Variants in PSMG2 observed in about 807,000 individuals in gnomAD.
PSMG2 encodes the protein proteasome assembly chaperone 2.
Under a neutral mutation model 31.5 loss-of-function variants are expected in PSMG2, and 21 were observed. That is an observed-to-expected ratio of 0.67 (90% CI 0.47 to 0.96). The LOEUF is 0.96. Ranked by LOEUF, PSMG2 falls within the 40% of genes least tolerant of loss-of-function variation. The pLI is 0.00. For missense variants in PSMG2, 318 were observed against 321.2 expected (o/e 0.99, Z 0.08); for synonymous variants, 120 against 110.4 (o/e 1.09, Z -0.54).
chr18:12,677,338 T>G (rs1044940680), intron 1 of PSMG2, among the ~76,000 whole-genome samples: 1 of 151,680 alleles, frequency 6.6e-6, no homozygotes, highest in East Asian at 1.9e-4. Flanking sequence ...TTCAGGAGGC[T>G]GAGGCAGGAG....
At chr18:12,663,900 T>TA (rs1188782988) in intron 1 of PSMG2, among the ~76,000 whole-genome samples, 1 of 152,148 alleles carries the variant, frequency 6.6e-6, no homozygotes, top group Non-Finnish European at 1.5e-5. Flanking sequence ...CACAGTGGTT[T>TA]ATGCCTGTAA....
At position 12,677,986 on chromosome 18, in the gene PSMG2, TAGG is replaced by T. The variant is rs999278452; in HGVS notation, c.-37+19214_-37+19216del. The T allele has an allele frequency of 5.9e-6, 4 of 681,032 alleles. No individual in the cohort carries two copies. The Admixed American group carries it at 1.2e-4, about 20-fold the overall frequency. The allele number at this position is 681,032 out of a possible 1,614,324, so 42.2% of individuals were successfully genotyped here. A position where few individuals can be genotyped will look rare whatever the true frequency, so the allele number is the denominator to read the frequency against. On this transcript the variant is annotated intron_variant, in intron 1 of 6. Coordinates refer to the PSMG2 transcript ENST00000585331. The stretch of plus-strand genomic sequence containing the variant: ...TTCAAAATTATAAGCTTCATAATAG[TAGG>T]GACTGTAGTTGTTTTGTTCAGGGCT...
intron 1 of PSMG2, among the ~76,000 whole-genome samples, chr18:12,678,657 A>G (rs1442719169): frequency 6.6e-6 from 1 of 152,160 alleles, no homozygotes; most frequent in Admixed American, 6.6e-5. Flanking sequence ...TAACAACAGA[A>G]TACATTCTAT....
intron 1 of PSMG2, among the ~76,000 whole-genome samples, chr18:12,688,059 T>C (rs549026215): frequency 4.0e-5 from 6 of 151,458 alleles, no homozygotes; most frequent in South Asian, 2.1e-4. Context: ...CTGGCTAACA[T>C]GGTGAAACCC....
At chr18:12,664,392 A>G (rs1294534620) in intron 1 of PSMG2, among the ~76,000 whole-genome samples, 2 of 151,800 alleles carry the variant, frequency 1.3e-5, no homozygotes, top group Non-Finnish European at 2.9e-5. Flanking sequence ...CAAAATTAAA[A>G]TACAAAAATT....
In PSMG2 at chr18:12,712,717, C is replaced by T. The variant is rs139611150; in HGVS notation, c.245C>T (p.Ser82Leu). 385 of 1,606,158 alleles carry T rather than the reference C, an allele frequency of 2.4e-4. 1 individual carries two copies. The highest frequency in any genetic ancestry group is 2.7e-4 in the Non-Finnish European group (317 of 1,174,378). The change falls in exon 3 of 7, where the codon TCA becomes TTA. Residue 82 changes from serine (S) to leucine (L), a missense_variant. Transcript: ENST00000317615. ...SINAEVYSLPSRKLVALQLRS... is the reference protein window; with the variant it reads ...SINAEVYSLPLRKLVALQLRS... Reference sequence around the variant, plus strand: ...GTTTTTATAGTGTATTCATTGCCTTCAAGAAAGCTGGTGGCTCTACAGTTA... The same window carrying T: ...GTTTTTATAGTGTATTCATTGCCTTTAAGAAAGCTGGTGGCTCTACAGTTA...
intron 1 of PSMG2, chr18:12,679,298 C>G (rs1352954580): frequency 6.6e-6 from 1 of 152,096 alleles, no homozygotes. Flanking sequence ...GGAGTGCACA[C>G]TGGGGAGAAG....
chr18:12,702,565 T>A, upstream of PSMG2: 1 of 1,546,728 alleles, frequency 6.5e-7, no homozygotes, highest in Non-Finnish European at 8.7e-7. Context: ...AGCCGGCGTC[T>A]CCCCGCCGCT....
upstream of PSMG2, chr18:12,700,009 A>G (rs922413421): frequency 1.4e-4 from 81 of 593,502 alleles, no homozygotes; most frequent in Non-Finnish European, 2.1e-4. Context: ...TCAACAGGGT[A>G]AGGCCCTTTC....
At chr18:12,703,640 G>A (rs1490530099) in intron 1 of PSMG2, among the ~76,000 whole-genome samples, 2 of 152,182 alleles carry the variant, frequency 1.3e-5, no homozygotes, top group Non-Finnish European at 2.9e-5. Flanking sequence ...TTATGTGCGA[G>A]TATTAGAATA....
chr18:12,659,386 G>T (rs1288748135), intron 1 of PSMG2, among the ~76,000 whole-genome samples: 2 of 152,152 alleles, frequency 1.3e-5, no homozygotes, highest in Admixed American at 1.3e-4. Context: ...ATTGAAAGAG[G>T]GCCGTGCGCA....
chr18:12,659,583 T>G (rs1172865256), intron 1 of PSMG2, among the ~76,000 whole-genome samples: 1 of 151,956 alleles, frequency 6.6e-6, no homozygotes, highest in African/African-American at 2.4e-5. Context: ...GGCAGGAGAA[T>G]CGCTTGAACC....
intron 3 of PSMG2, among the ~76,000 whole-genome samples, chr18:12,713,105 C>T (rs770746080): frequency 3.3e-5 from 5 of 152,130 alleles, no homozygotes; most frequent in Non-Finnish European, 5.9e-5. Context: ...ATGTATATGT[C>T]ATAAAATATT....
intron 1 of PSMG2, chr18:12,678,336 G>A (rs755686355): frequency 6.2e-7 from 1 of 1,614,086 alleles, no homozygotes. Flanking sequence ...CAATTTCCCA[G>A]GAACATCTGA....
chr18:12,662,325 G>C (rs2038708816), intron 1 of PSMG2, among the ~76,000 whole-genome samples: 1 of 152,174 alleles, frequency 6.6e-6, no homozygotes, highest in South Asian at 2.1e-4. Flanking sequence ...TGAAGGGTCA[G>C]ATATTATTAT....
intron 1 of PSMG2, chr18:12,661,928 G>T: frequency 4.8e-6 from 1 of 206,410 alleles, no homozygotes; most frequent in Non-Finnish European, 1.0e-5. Context: ...TTTTCAAAGT[G>T]CTGTGAAGTC....
rs771842606 is a variant in PSMG2, at chr18:12,720,653, G to A, written c.551G>A (p.Gly184Glu). Residue 184 changes from glycine to glutamate, a missense_variant, in exon 5 of 7, where the codon GGA (glycine) becomes GAA (glutamate). Coordinates refer to ENST00000317615, the MANE Select transcript of PSMG2 (RefSeq NM_020232.5). ...GAGTTTTGTATCCGCATTCCGGGAG[G>A]AGGTATCACAAAAACACTCTATGAT... is the stretch of plus-strand genomic sequence containing the variant. ...DSEFCIRIPG[G>E]GITKTLYDES... 6.8e-6 allele frequency: 11 copies of A among 1,612,514 alleles called. No homozygotes were observed. Among genetic ancestry groups the A allele is most frequent in the African/African-American group, 4.0e-5 (3 of 74,764 alleles).
intron 1 of PSMG2, chr18:12,695,223 C>T (rs1283827796): frequency 2.0e-6 from 2 of 1,003,556 alleles, no homozygotes; most frequent in South Asian, 1.7e-5. Context: ...AAAACAAACA[C>T]ACAAAAAAAG....
At chr18:12,697,321 C>A in intron 1 of PSMG2, 1 of 1,613,952 alleles carries the variant, frequency 6.2e-7, no homozygotes, top group South Asian at 1.1e-5. Flanking sequence ...AGTCGTCTCA[C>A]CAAATATGTC....
Sources: gnomAD v4.1 joint callset for allele counts (sites outside exome capture counted in the v4.1 genomes callset) on GRCh38, gnomAD v4.1.1 for gene constraint, MANE v1.5 for transcripts, NCBI Gene and HGNC (gene_info 2026-07-23, HGNC 2026-07-21) for gene names.